Variants in GRM5 observed in about 807,000 individuals in gnomAD.
GRM5 encodes metabotropic glutamate receptor 5.
GRM5 carries 19 observed loss-of-function variants against 83.1 expected under a neutral mutation model. The observed-to-expected ratio is 0.23, with a 90% CI of 0.16 to 0.34. The LOEUF is 0.34. GRM5 is among the 10% of genes least tolerant of loss of function. The probability of loss-of-function intolerance (pLI) is 1.00; values close to 1 mark genes in which losing one functional copy is unlikely to be tolerated. For missense variants in GRM5, 1,160 were observed against 1,588.3 expected (o/e 0.73, Z 4.58); for synonymous variants, 675 against 633.6 (o/e 1.07, Z -0.98).
chr11:88,700,359 G>C (rs895267023), intron 3 of GRM5, among the ~76,000 whole-genome samples: 1 of 152,028 alleles, frequency 6.6e-6, no homozygotes, highest in Admixed American at 6.6e-5. Flanking sequence ...CAAGAAGAGA[G>C]TAGCTATGGG....
At position 88,878,085 on chromosome 11, in the gene GRM5, G is replaced by C. The variant is rs1240342554; in HGVS notation, c.662-27930C>G. Among the ~76,000 whole-genome samples, 3 of 150,040 alleles carry C rather than the reference G, an allele frequency of 2.0e-5. No homozygotes were observed. In the South Asian group the frequency reaches 6.4e-4, roughly 32 times the overall value. On this transcript the variant is annotated intron_variant, in intron 2 of 9. Coordinates refer to ENST00000305447, the MANE Select transcript of GRM5 (RefSeq NM_001143831.3). ...GCAATCTTATTGTAATCATCCAAGA[G>C]AAATAGCAATTTATGTTCACAGAAA...
intron 2 of GRM5, among the ~76,000 whole-genome samples, chr11:88,986,336 G>C (rs934200850): frequency 6.6e-6 from 1 of 152,128 alleles, no homozygotes; most frequent in African/African-American, 2.4e-5. Flanking sequence ...ACAAGGTTCA[G>C]AAAAAAGAGA....
At chr11:88,635,201 C>A (rs1365075814) in intron 4 of GRM5, among the ~76,000 whole-genome samples, 1 of 152,108 alleles carries the variant, frequency 6.6e-6, no homozygotes, top group Non-Finnish European at 1.5e-5. Context: ...AATAGGATTG[C>A]TGTATCATAA....
At chr11:89,034,847 T>TC (rs1488566245) in intron 2 of GRM5, among the ~76,000 whole-genome samples, 74 of 146,386 alleles carry the variant, frequency 5.1e-4, no homozygotes, top group African/African-American at 1.8e-3. Context: ...CTCAAATCCT[T>TC]TTTTTTTTTT....
At chr11:88,528,364 C>G (rs1460887021) in intron 8 of GRM5, among the ~76,000 whole-genome samples, 1 of 151,978 alleles carries the variant, frequency 6.6e-6, no homozygotes, top group African/African-American at 2.4e-5. Context: ...ATTATATTCA[C>G]CAGATATTTA....
At chr11:88,639,289 C>G (rs942926942) in intron 4 of GRM5, among the ~76,000 whole-genome samples, 2 of 152,148 alleles carry the variant, frequency 1.3e-5, no homozygotes, top group Non-Finnish European at 2.9e-5. Flanking sequence ...TCTCTCTTCA[C>G]GCAGTTCTCT....
At chr11:88,748,896 CAACAAT>C (rs1565212994) in intron 3 of GRM5, among the ~76,000 whole-genome samples, 1 of 152,098 alleles carries the variant, frequency 6.6e-6, no homozygotes, top group African/African-American at 2.4e-5. Flanking sequence ...CCGAAAACAA[CAACAAT>C]AACATCAACA....
intron 2 of GRM5, among the ~76,000 whole-genome samples, chr11:88,851,834 A>G (rs1045159685): frequency 1.2e-4 from 18 of 152,300 alleles, no homozygotes; most frequent in African/African-American, 4.1e-4. Context: ...CCTTCTCCAG[A>G]ATTAAAAGCA....
chr11:88,913,519 G>A lies in GRM5; in HGVS notation c.662-63364C>T, dbSNP rs181363299. On this transcript the variant is annotated intron_variant, in intron 2 of 9. Coordinates refer to ENST00000305447, the MANE Select transcript of GRM5 (RefSeq NM_001143831.3). ...GGTAAAAACTGCATCCCTCTCTGAT[G>A]AGAATTCCTACTGGTTGGTCCCTCT... Among the ~76,000 whole-genome samples, 613 of 151,546 alleles carry A rather than the reference G, an allele frequency of 4.0e-3. 3 individuals are homozygous for A. Among genetic ancestry groups the A allele is most frequent in the Admixed American group, 9.6e-3 (146 of 15,192 alleles).
rs1386402224 is a variant in GRM5 at position 88,653,397 on chromosome 11, G to A, written c.918C>T (p.Gly306=). The part of the protein sequence containing the change: ...AGEFLLLGSD[G]WADRYDVTDG... ...CTGTCACATCATACCTGTCAGCCCA[G>A]CCATCACTGTGGGGAAATAAAAAAA... Residue 306 remains glycine, a synonymous_variant, in exon 4 of 10, where the codon GGC becomes GGT. Coordinates refer to ENST00000305447, the MANE Select transcript of GRM5 (RefSeq NM_001143831.3). 4.4e-6 allele frequency: 7 copies of A among 1,607,550 alleles called. No homozygotes were observed. The highest frequency in any genetic ancestry group is 1.7e-5 in the Admixed American group (1 of 59,816).
chr11:88,869,565 AT>A, intron 2 of GRM5, among the ~76,000 whole-genome samples: 1 of 151,426 alleles, frequency 6.6e-6, no homozygotes, highest in East Asian at 1.9e-4. Context: ...ATTTATATTA[AT>A]AAAGTATAAT....
intron 1 of GRM5, among the ~76,000 whole-genome samples, chr11:89,052,579 C>G (rs1257096276): frequency 3.3e-5 from 5 of 152,086 alleles, no homozygotes. Flanking sequence ...TTGAGTGTGT[C>G]TGTATGTGTG....
intron 3 of GRM5, among the ~76,000 whole-genome samples, chr11:88,680,127 A>G (rs1481753917): frequency 6.6e-6 from 1 of 152,166 alleles, no homozygotes; most frequent in Non-Finnish European, 1.5e-5. Context: ...CATGTGCACA[A>G]CATGCAGGTT....
intron 2 of GRM5, among the ~76,000 whole-genome samples, chr11:88,961,413 C>A (rs967946472): frequency 4.0e-5 from 6 of 151,524 alleles, no homozygotes; most frequent in African/African-American, 1.5e-4. Flanking sequence ...CAAAGAGACA[C>A]AGCAGCCAAG....
chr11:89,029,444 A>G (rs1941208979), intron 2 of GRM5, among the ~76,000 whole-genome samples: 1 of 152,186 alleles, frequency 6.6e-6, no homozygotes, highest in African/African-American at 2.4e-5. Flanking sequence ...TCTCCTTAAT[A>G]CTAGTGCTTT....
chr11:88,540,718 T>C (rs1156905935), intron 8 of GRM5, among the ~76,000 whole-genome samples: 2 of 152,018 alleles, frequency 1.3e-5, no homozygotes, highest in Non-Finnish European at 2.9e-5. Flanking sequence ...CTTCATCACA[T>C]TGTCTTTATT....
At chr11:88,891,986 C>T (rs1440676290) in intron 2 of GRM5, among the ~76,000 whole-genome samples, 1 of 151,988 alleles carries the variant, frequency 6.6e-6, no homozygotes, top group Middle Eastern at 3.2e-3. Flanking sequence ...GTCAAGGAAA[C>T]TTATTTTGAA....
intron 3 of GRM5, among the ~76,000 whole-genome samples, chr11:88,687,567 A>G (rs1256044757): frequency 1.1e-4 from 2 of 17,706 alleles, no homozygotes; most frequent in African/African-American, 6.0e-4. Flanking sequence ...TATATTATAT[A>G]TATATATATA....
chr11:88,576,170 CT>C (rs1419642997), intron 7 of GRM5, among the ~76,000 whole-genome samples: 1 of 152,116 alleles, frequency 6.6e-6, no homozygotes, highest in Non-Finnish European at 1.5e-5. Flanking sequence ...TCCCTTTCTA[CT>C]TTTCTCCAGT....
Sources: allele counts gnomAD v4.1 joint callset (sites outside exome capture counted in the v4.1 genomes callset), GRCh38; gene constraint gnomAD v4.1.1; transcripts MANE v1.5; gene names NCBI Gene and HGNC (gene_info 2026-07-23, HGNC 2026-07-21).